DNAJC6: variants seen among roughly 807,000 people sequenced by gnomAD.
The protein encoded by DNAJC6 is DnaJ heat shock protein family (Hsp40) member C6, also known as auxilin.
Under a neutral mutation model 110.0 loss-of-function variants are expected in DNAJC6, and 34 were observed. That is an observed-to-expected ratio of 0.31 (90% CI 0.24 to 0.41). The LOEUF (loss-of-function observed/expected upper bound fraction) is 0.41. Among genes scored for constraint, DNAJC6 ranks in the 10% least tolerant of loss-of-function variants. DNAJC6 has a pLI of 1.00. For missense variants in DNAJC6, 1,031 were observed against 1,207.8 expected (o/e 0.85, Z 2.17); for synonymous variants, 406 against 437.2 (o/e 0.93, Z 0.89).
intron 1 of DNAJC6, among the ~76,000 whole-genome samples, chr1:65,293,730 C>T (rs1270697458): frequency 6.6e-6 from 1 of 152,084 alleles, no homozygotes; most frequent in Non-Finnish European, 1.5e-5. Flanking sequence ...ATACCATTAT[C>T]AAGAGCTAAT....
At chr1:65,408,527 T>C in intron 16 of DNAJC6, 114 bp from the exon 17 acceptor site, 1 of 1,180,620 alleles carries the variant, frequency 8.5e-7, no homozygotes, top group Non-Finnish European at 1.2e-6. Context: ...GCATGAGGGT[T>C]AAGGACTGAA....
chr1:65,303,564 CT>C (rs34848110), intron 1 of DNAJC6, among the ~76,000 whole-genome samples: 85,694 of 148,496 alleles, frequency 0.58, 24,780 homozygotes, highest in East Asian at 0.78. Flanking sequence ...ATTCTCTCTT[CT>C]TTTTTTTTTT....
intron 1 of DNAJC6, among the ~76,000 whole-genome samples, chr1:65,354,589 C>A (rs991101198): frequency 2.6e-5 from 4 of 152,120 alleles, no homozygotes; most frequent in African/African-American, 9.7e-5. Flanking sequence ...GTGATTCTCC[C>A]ATAGCTTGGG....
intron 1 of DNAJC6, among the ~76,000 whole-genome samples, chr1:65,332,662 A>G (rs1645299355): frequency 6.6e-6 from 1 of 152,122 alleles, no homozygotes; most frequent in Non-Finnish European, 1.5e-5. Flanking sequence ...TCCTTGGTGA[A>G]GTGTTATTCT....
chr1:65,269,470 CTT>C (rs1244661554), intron 1 of DNAJC6, among the ~76,000 whole-genome samples: 1 of 152,024 alleles, frequency 6.6e-6, no homozygotes, highest in Non-Finnish European at 1.5e-5. Context: ...CAGATTCAGA[CTT>C]TTAGGCTCTA....
At chr1:65,292,750 T>C (rs1644891613) in intron 1 of DNAJC6, among the ~76,000 whole-genome samples, 1 of 152,194 alleles carries the variant, frequency 6.6e-6, no homozygotes, top group Non-Finnish European at 1.5e-5. Flanking sequence ...TTTTATTTTT[T>C]ATTTTTATTA....
intron 1 of DNAJC6, among the ~76,000 whole-genome samples, chr1:65,313,020 G>A (rs1481230890): frequency 2.7e-5 from 4 of 150,028 alleles, no homozygotes; most frequent in African/African-American, 9.8e-5. Context: ...GGCTGGTCTC[G>A]GACTCCTGGT....
At chr1:65,357,947 G>A (rs1230029058) in intron 1 of DNAJC6, among the ~76,000 whole-genome samples, 3 of 152,152 alleles carry the variant, frequency 2.0e-5, no homozygotes, top group Admixed American at 2.0e-4. Flanking sequence ...GGGAGGCCGA[G>A]GCTGGCGGAT....
At chr1:65,381,676 A>G (rs1391234650) in intron 5 of DNAJC6, among the ~76,000 whole-genome samples, 1 of 152,244 alleles carries the variant, frequency 6.6e-6, no homozygotes, top group Non-Finnish European at 1.5e-5. Flanking sequence ...ATCTGTGAAA[A>G]GAGTGTCAGG....
chr1:65,310,440 A>G (rs1050279282), intron 1 of DNAJC6, among the ~76,000 whole-genome samples: 12 of 152,250 alleles, frequency 7.9e-5, no homozygotes, highest in African/African-American at 2.9e-4. Context: ...AAGCTCTGCC[A>G]CATCTTAACT....
At chr1:65,373,406 A>G (rs1645727598) in intron 4 of DNAJC6, among the ~76,000 whole-genome samples, 1 of 152,166 alleles carries the variant, frequency 6.6e-6, no homozygotes. Flanking sequence ...CCTACATTGT[A>G]TAAGAGTTCC....
At chr1:65,324,655 A>G (rs1645226100) in intron 1 of DNAJC6, among the ~76,000 whole-genome samples, 1 of 152,182 alleles carries the variant, frequency 6.6e-6, no homozygotes, top group Non-Finnish European at 1.5e-5. Context: ...CACTGCACCC[A>G]GCCTCTTTTT....
At chr1:65,291,687 G>A (rs1644876096) in intron 1 of DNAJC6, among the ~76,000 whole-genome samples, 1 of 152,190 alleles carries the variant, frequency 6.6e-6, no homozygotes, top group Non-Finnish European at 1.5e-5. Flanking sequence ...GATGTACTGA[G>A]TGCTGTTAAG....
chr1:65,276,543 G>A (rs1653681638), intron 1 of DNAJC6, among the ~76,000 whole-genome samples: 1 of 152,020 alleles, frequency 6.6e-6, no homozygotes, highest in African/African-American at 2.4e-5. Flanking sequence ...CTAATCCCAG[G>A]CCCCTAGGGA....
At chr1:65,319,357 T>G (rs1413448959) in intron 1 of DNAJC6, among the ~76,000 whole-genome samples, 1 of 152,142 alleles carries the variant, frequency 6.6e-6, no homozygotes, top group Non-Finnish European at 1.5e-5. Context: ...GAGGGGTGTG[T>G]GGTAGAAGCA....
chr1:65,264,817 C>T (rs1653260941), exon 1 of DNAJC6: 2 of 1,568,726 alleles, frequency 1.3e-6, no homozygotes, highest in Non-Finnish European at 1.7e-6. Context: ...ACTTCGCCCC[C>T]GAGACCGCTG....
chr1:65,270,139 T>C (rs952660839), intron 1 of DNAJC6, among the ~76,000 whole-genome samples: 5 of 152,332 alleles, frequency 3.3e-5, no homozygotes, highest in African/African-American at 1.2e-4. Context: ...ACAACACACC[T>C]GAATCATAAA....
chr1:65,394,757 G>T, intron 12 of DNAJC6, 141 bp from the exon 13 acceptor site: 1 of 898,244 alleles, frequency 1.1e-6, no homozygotes, highest in Non-Finnish European at 1.6e-6. Context: ...TCATCCAACA[G>T]GTAAGTCCAG....
At chr1:65,273,532 G>A (rs2985901) in intron 1 of DNAJC6, among the ~76,000 whole-genome samples, 1 of 150,964 alleles carries the variant, frequency 6.6e-6, no homozygotes, top group Non-Finnish European at 1.5e-5. Context: ...GGAGGCGGAG[G>A]TTGCAGTGAG....
Sources: gnomAD v4.1 joint callset for allele counts (sites outside exome capture counted in the v4.1 genomes callset) on GRCh38, gnomAD v4.1.1 for gene constraint, MANE v1.5 for transcripts, NCBI Gene and HGNC (gene_info 2026-07-23, HGNC 2026-07-21) for gene names.